FNDC3B: variants seen among roughly 807,000 people sequenced by gnomAD.
The protein encoded by FNDC3B is fibronectin type III domain-containing protein 3B.
A neutral mutation model predicts 151.5 loss-of-function variants in FNDC3B; 12 were observed. The observed-to-expected ratio is 0.08, with a 90% CI of 0.05 to 0.13. FNDC3B has a LOEUF of 0.13. FNDC3B is among the 10% of genes least tolerant of loss of function. The pLI, the probability that FNDC3B is intolerant of heterozygous loss-of-function variation, is 1.00. For missense variants in FNDC3B, 1,214 were observed against 1,505.3 expected (o/e 0.81, Z 3.20); for synonymous variants, 528 against 549.0 (o/e 0.96, Z 0.54).
intron 4 of FNDC3B, among the ~76,000 whole-genome samples, chr3:172,244,305 A>T (rs866196219): frequency 6.6e-6 from 1 of 151,772 alleles, no homozygotes; most frequent in Non-Finnish European, 1.5e-5. Context: ...ATGAAGGCAT[A>T]TTTTTTTTGC....
At chr3:172,290,243 T>C (rs1280566954) in intron 7 of FNDC3B, among the ~76,000 whole-genome samples, 1 of 152,234 alleles carries the variant, frequency 6.6e-6, no homozygotes, top group Non-Finnish European at 1.5e-5. Context: ...TCTAGGACTT[T>C]GGGCACCCTG....
chr3:172,347,942 T>A (rs1181923489), intron 21 of FNDC3B, among the ~76,000 whole-genome samples: 1 of 152,216 alleles, frequency 6.6e-6, no homozygotes, highest in East Asian at 1.9e-4. Flanking sequence ...AGAGTGACAA[T>A]AACCATGGGT....
At chr3:172,054,402 C>G (rs189472078) in intron 1 of FNDC3B, among the ~76,000 whole-genome samples, 1 of 152,130 alleles carries the variant, frequency 6.6e-6, no homozygotes, top group African/African-American at 2.4e-5. Context: ...ATGTAGGGCT[C>G]GACTCCATCT....
intron 1 of FNDC3B, among the ~76,000 whole-genome samples, chr3:172,049,349 T>C (rs529201246): frequency 6.6e-5 from 10 of 152,014 alleles, no homozygotes; most frequent in African/African-American, 2.2e-4. Flanking sequence ...TAAAAGTAGA[T>C]CTCTGGAGGG....
At chr3:172,267,438 G>C (rs567084705) in intron 6 of FNDC3B, among the ~76,000 whole-genome samples, 1 of 152,178 alleles carries the variant, frequency 6.6e-6, no homozygotes, top group Non-Finnish European at 1.5e-5. Flanking sequence ...TTACAGGTGT[G>C]AGCCACCATG....
At chr3:172,258,023 A>T (rs1395640960) in intron 6 of FNDC3B, among the ~76,000 whole-genome samples, 1 of 152,216 alleles carries the variant, frequency 6.6e-6, no homozygotes, top group Non-Finnish European at 1.5e-5. Flanking sequence ...TATCTGTATC[A>T]TGATAAATAT....
chr3:172,182,270 C>T (rs979855653), intron 3 of FNDC3B, among the ~76,000 whole-genome samples: 3 of 152,130 alleles, frequency 2.0e-5, no homozygotes, highest in South Asian at 2.1e-4. Flanking sequence ...ATAGAGAACA[C>T]GGAGGTCAGG....
At chr3:172,313,559 T>C (rs759481391) in intron 11 of FNDC3B, among the ~76,000 whole-genome samples, 84 of 152,246 alleles carry the variant, frequency 5.5e-4, no homozygotes, top group Non-Finnish European at 1.0e-3. Flanking sequence ...GTAGTCCACA[T>C]TGCACATTGT....
At chr3:172,179,684 T>A (rs751057469) in intron 3 of FNDC3B, among the ~76,000 whole-genome samples, 42 of 151,732 alleles carry the variant, frequency 2.8e-4, no homozygotes, top group Non-Finnish European at 4.7e-4. Context: ...GAGTTTGATG[T>A]TAGCCTGGGC....
At chr3:172,288,966 A>G (rs140992050) in intron 7 of FNDC3B, among the ~76,000 whole-genome samples, 72 of 152,342 alleles carry the variant, frequency 4.7e-4, no homozygotes, top group Admixed American at 1.2e-3. Context: ...CTGCTTTTGC[A>G]CATGACTAAA....
chr3:172,161,098 G>A (rs1265152253), intron 3 of FNDC3B, among the ~76,000 whole-genome samples: 3 of 152,072 alleles, frequency 2.0e-5, no homozygotes, highest in Middle Eastern at 3.2e-3. Context: ...TAATTTCTTA[G>A]TTGTGTTCAT....
chr3:172,131,514 C>CA (rs563253293), intron 2 of FNDC3B, among the ~76,000 whole-genome samples: 95 of 151,926 alleles, frequency 6.3e-4, no homozygotes, highest in Non-Finnish European at 1.2e-3. Context: ...ACTGAAAACT[C>CA]AAAGATTATC....
chr3:172,230,243 A>G (rs937475353), intron 4 of FNDC3B, among the ~76,000 whole-genome samples: 1 of 152,174 alleles, frequency 6.6e-6, no homozygotes, highest in African/African-American at 2.4e-5. Flanking sequence ...CTGTAATCCC[A>G]ACACTTTGGG....
intron 16 of FNDC3B, among the ~76,000 whole-genome samples, chr3:172,339,604 G>A (rs1442447057): frequency 2.6e-5 from 4 of 152,086 alleles, no homozygotes; most frequent in African/African-American, 9.7e-5. Context: ...AAAAAACCTG[G>A]TTTAGCTTTT....
At chr3:172,375,740 T>A (rs1180059193) in intron 23 of FNDC3B, among the ~76,000 whole-genome samples, 1 of 152,156 alleles carries the variant, frequency 6.6e-6, no homozygotes, top group Non-Finnish European at 1.5e-5. Flanking sequence ...AGAGGACTGC[T>A]TAGACGCATG....
At chr3:172,313,232 G>A (rs1731609331) in intron 11 of FNDC3B, among the ~76,000 whole-genome samples, 1 of 152,050 alleles carries the variant, frequency 6.6e-6, no homozygotes, top group African/African-American at 2.4e-5. Context: ...GACATCTCCT[G>A]CCCCCTCAAT....
chr3:172,150,731 T>TA (rs957618610), intron 3 of FNDC3B, among the ~76,000 whole-genome samples: 24 of 152,130 alleles, frequency 1.6e-4, no homozygotes, highest in African/African-American at 5.1e-4. Flanking sequence ...ATTTTTTATT[T>TA]AAAAAAAGTT....
chr3:172,293,103 G>A (rs1165545442), intron 7 of FNDC3B, among the ~76,000 whole-genome samples: 1 of 152,136 alleles, frequency 6.6e-6, no homozygotes, highest in Non-Finnish European at 1.5e-5. Context: ...GGCTCCTCGA[G>A]GCCAAAGATC....
chr3:172,309,625 G>T (rs757023158), intron 10 of FNDC3B, among the ~76,000 whole-genome samples: 1 of 152,120 alleles, frequency 6.6e-6, no homozygotes, highest in African/African-American at 2.4e-5. Flanking sequence ...CAGAGATTGT[G>T]TGACTCTAAA....
Sources: gnomAD v4.1 joint callset for allele counts (sites outside exome capture counted in the v4.1 genomes callset) on GRCh38, gnomAD v4.1.1 for gene constraint, MANE v1.5 for transcripts, NCBI Gene and HGNC (gene_info 2026-07-23, HGNC 2026-07-21) for gene names.